Variants in RANBP2 observed in about 807,000 individuals in gnomAD.
RANBP2 encodes the protein E3 SUMO-protein ligase RanBP2.
RANBP2 carries 57 observed loss-of-function variants against 303.6 expected under a neutral mutation model. The observed-to-expected ratio is 0.19, with a 90% confidence interval of 0.15 to 0.23. The LOEUF (loss-of-function observed/expected upper bound fraction) is 0.23. RANBP2 is among the 10% of genes least tolerant of loss of function. RANBP2 has a pLI of 1.00. For synonymous variants in RANBP2, 1,167 were observed against 1,301.5 expected (o/e 0.90, Z 2.23); for missense variants, 3,138 against 3,780.8 (o/e 0.83, Z 4.46).
the RANBP2 span, chr2:109,251,704 C>T: frequency 1.1e-6 from 1 of 882,268 alleles, no homozygotes; most frequent in Non-Finnish European, 1.8e-6. Flanking sequence ...TTCTATTTTA[C>T]TATGATGTAA....
the RANBP2 span, among the ~76,000 whole-genome samples, chr2:109,575,881 T>C: frequency 6.6e-6 from 1 of 152,190 alleles, no homozygotes; most frequent in Non-Finnish European, 1.5e-5. Flanking sequence ...TTTAAAATTA[T>C]AGAATACACA....
chr2:109,129,542 T>C, the RANBP2 span: 1 of 1,496,876 alleles, frequency 6.7e-7, no homozygotes, highest in Non-Finnish European at 8.8e-7. Context: ...GCCTCCCCCA[T>C]GCTGCTCGGA....
At chr2:109,015,651 G>A in the RANBP2 span, among the ~76,000 whole-genome samples, 1 of 152,056 alleles carries the variant, frequency 6.6e-6, no homozygotes, top group Non-Finnish European at 1.5e-5. Context: ...CCAGCTACTT[G>A]GGAGGCTGAG....
the RANBP2 span, among the ~76,000 whole-genome samples, chr2:109,548,145 GT>G: frequency 6.6e-6 from 1 of 150,466 alleles, no homozygotes; most frequent in Non-Finnish European, 1.5e-5. Flanking sequence ...CAAGGAGAAT[GT>G]AGGTGGACCT....
the RANBP2 span, among the ~76,000 whole-genome samples, chr2:109,341,941 G>A: frequency 8.1e-4 from 123 of 152,204 alleles, no homozygotes; most frequent in African/African-American, 2.8e-3. Flanking sequence ...GAAGCAGAAA[G>A]TGGGTATCAG....
chr2:109,568,474 C>T, the RANBP2 span, among the ~76,000 whole-genome samples: 2 of 150,300 alleles, frequency 1.3e-5, no homozygotes, highest in Non-Finnish European at 2.9e-5. Flanking sequence ...TGGGTTCAAG[C>T]GATTCTCTTC....
chr2:109,593,166 C>T, the RANBP2 span: 1 of 1,258,068 alleles, frequency 7.9e-7, no homozygotes, highest in Non-Finnish European at 1.1e-6. Flanking sequence ...AACATTACTC[C>T]CCAAACCCCA....
chr2:109,675,152 T>C, the RANBP2 span, among the ~76,000 whole-genome samples: 5 of 152,186 alleles, frequency 3.3e-5, no homozygotes, highest in Non-Finnish European at 7.3e-5. Flanking sequence ...TTTTTACTTT[T>C]TGTAGAGACA....
the RANBP2 span, among the ~76,000 whole-genome samples, chr2:108,836,089 T>G: frequency 6.6e-6 from 1 of 152,174 alleles, no homozygotes; most frequent in African/African-American, 2.4e-5. Context: ...ACTGATGTTT[T>G]GGGCATTAAG....
At chr2:109,388,440 G>T in the RANBP2 span, among the ~76,000 whole-genome samples, 2 of 152,162 alleles carry the variant, frequency 1.3e-5, no homozygotes, top group Non-Finnish European at 2.9e-5. Flanking sequence ...GCTGAGTGAG[G>T]CTTGGACTCA....
chr2:109,518,559 G>A, the RANBP2 span, among the ~76,000 whole-genome samples: 2 of 152,202 alleles, frequency 1.3e-5, no homozygotes, highest in East Asian at 3.9e-4. Context: ...CCATTGCCTT[G>A]TTGCTTCTGC....
chr2:109,471,746 C>T, the RANBP2 span, among the ~76,000 whole-genome samples: 9 of 152,192 alleles, frequency 5.9e-5, no homozygotes, highest in East Asian at 1.9e-4. Context: ...CCTAATAAGA[C>T]GGTCCCAAGA....
the RANBP2 span, among the ~76,000 whole-genome samples, chr2:109,275,326 G>A: frequency 6.6e-6 from 1 of 152,160 alleles, no homozygotes; most frequent in South Asian, 2.1e-4. Context: ...AGATCACCAG[G>A]CTTCAGTTTA....
chr2:109,447,673 C>T, the RANBP2 span, among the ~76,000 whole-genome samples: 3 of 152,186 alleles, frequency 2.0e-5, no homozygotes, highest in Non-Finnish European at 4.4e-5. Context: ...TGGGGCCGTT[C>T]ATTCTCTCCC....
chr2:109,615,737 A>C, the RANBP2 span: 1 of 1,613,950 alleles, frequency 6.2e-7, no homozygotes, highest in Non-Finnish European at 8.5e-7. Context: ...GGAGGCTTTC[A>C]AAGGTGCTTC....
the RANBP2 span, among the ~76,000 whole-genome samples, chr2:109,612,552 TAAGTA>T: frequency 6.6e-6 from 1 of 152,152 alleles, no homozygotes; most frequent in Non-Finnish European, 1.5e-5. Context: ...AATTCGAAAA[TAAGTA>T]AAGTTAGCCT....
the RANBP2 span, among the ~76,000 whole-genome samples, chr2:109,673,380 T>C: frequency 0.092 from 14,055 of 152,232 alleles, 768 homozygotes; most frequent in East Asian, 0.24. Flanking sequence ...TGGGATGCTT[T>C]GGGAAAAACA....
chr2:109,561,276 T>G, the RANBP2 span, among the ~76,000 whole-genome samples: 1 of 152,126 alleles, frequency 6.6e-6, no homozygotes, highest in Non-Finnish European at 1.5e-5. Flanking sequence ...CCCAAGTTAC[T>G]ACAGCTCAAA....
At chr2:109,402,523 G>A in the RANBP2 span, among the ~76,000 whole-genome samples, 4 of 152,236 alleles carry the variant, frequency 2.6e-5, no homozygotes, top group African/African-American at 4.8e-5. Context: ...AGGAAGGCCC[G>A]CAGCCCCAGG....
Sources: gnomAD v4.1 joint callset for allele counts (sites outside exome capture counted in the v4.1 genomes callset) on GRCh38, gnomAD v4.1.1 for gene constraint, MANE v1.5 for transcripts, NCBI Gene and HGNC (gene_info 2026-07-23, HGNC 2026-07-21) for gene names.